Variants in DMD observed in about 807,000 individuals in gnomAD.
DMD encodes mutant dystrophin.
A neutral mutation model predicts 330.1 loss-of-function variants in DMD; 63 were observed. The observed-to-expected ratio is 0.19, with a 90% CI of 0.16 to 0.24. DMD has a LOEUF of 0.24. Ranked by LOEUF, DMD falls within the 10% of genes least tolerant of loss-of-function variation. DMD has a pLI of 1.00. For missense variants in DMD, 3,344 were observed against 2,684.1 expected (o/e 1.25, Z -5.43); for synonymous variants, 1,223 against 959.8 (o/e 1.27, Z -5.07).
chrX:33,283,557 C>A (rs991492239), intron 1 of DMD, among the ~76,000 whole-genome samples: 2 of 107,965 alleles, frequency 1.9e-5, no homozygotes, highest in Non-Finnish European at 3.8e-5. Context: ...TCAACTATAC[C>A]AAGTGATGAG....
At chrX:31,666,786 T>C (rs73455985) in intron 53 of DMD, among the ~76,000 whole-genome samples, 2,526 of 111,713 alleles carry the variant, frequency 0.023, 74 homozygotes, top group African/African-American at 0.078. Context: ...TAGCTCCCTA[T>C]CCATTGTGTG....
intron 2 of DMD, among the ~76,000 whole-genome samples, chrX:32,929,505 TCAA>T (rs1232905403): frequency 1.8e-5 from 2 of 111,105 alleles, no homozygotes; most frequent in Non-Finnish European, 3.8e-5. Context: ...TGTGCCATGT[TCAA>T]CTAATTGGCC....
At chrX:32,345,686 T>G (rs1205061549) in intron 39 of DMD, among the ~76,000 whole-genome samples, 1 of 110,454 alleles carries the variant, frequency 9.1e-6, no homozygotes, top group Admixed American at 9.7e-5. Context: ...ATTAAATGTA[T>G]AAGTACTATG....
intron 1 of DMD, among the ~76,000 whole-genome samples, chrX:33,331,056 G>C (rs2054166144): frequency 8.9e-6 from 1 of 112,291 alleles, no homozygotes; most frequent in Non-Finnish European, 1.9e-5. Flanking sequence ...TCTTGCTCTA[G>C]CACAGAGCCT....
At chrX:32,774,671 C>T (rs988986755) in intron 7 of DMD, among the ~76,000 whole-genome samples, 1 of 110,672 alleles carries the variant, frequency 9.0e-6, no homozygotes, top group Admixed American at 9.6e-5. Context: ...AACCACCCAT[C>T]CCCCATCCCC....
chrX:32,868,392 G>C (rs752455657), intron 2 of DMD, among the ~76,000 whole-genome samples: 3 of 111,225 alleles, frequency 2.7e-5, no homozygotes, highest in Admixed American at 1.9e-4. Context: ...AAATGACTGA[G>C]CTCTCCCGGG....
intron 2 of DMD, among the ~76,000 whole-genome samples, chrX:32,958,910 T>C (rs1222894849): frequency 9.1e-6 from 1 of 110,490 alleles, no homozygotes; most frequent in Non-Finnish European, 1.9e-5. Context: ...ATATCATAAA[T>C]GCAGCTTTAA....
At chrX:32,919,566 C>T (rs1239459261) in intron 2 of DMD, among the ~76,000 whole-genome samples, 5 of 111,114 alleles carry the variant, frequency 4.5e-5, no homozygotes, top group African/African-American at 6.5e-5. Context: ...AATTCAGTCC[C>T]GATTTGTTAT....
At chrX:32,506,725 G>C (rs1483984023) in intron 18 of DMD, among the ~76,000 whole-genome samples, 1 of 111,415 alleles carries the variant, frequency 9.0e-6, no homozygotes, top group Non-Finnish European at 1.9e-5. Flanking sequence ...CACCCAGTTT[G>C]TGGTATTTTG....
Position 32,686,054 on chromosome X carries a change from G to A in DMD, c.960+11816C>T, listed in dbSNP as rs549805562. ...TTGCTAGTAGATTTGAGACCCACATGGATTTAACACATGTATGACATAATA... is the reference window on the plus strand; with the variant it reads ...TTGCTAGTAGATTTGAGACCCACATAGATTTAACACATGTATGACATAATA... On this transcript the variant is annotated intron_variant, in intron 9 of 78. Transcript: ENST00000357033. Among the ~76,000 whole-genome samples the A allele has an allele frequency of 1.1e-4, 12 of 111,481 alleles. No homozygotes were observed. In the South Asian group the frequency reaches 4.5e-3, roughly 42 times the overall value.
chrX:32,355,283 AG>A, intron 37 of DMD, among the ~76,000 whole-genome samples: 1 of 111,315 alleles, frequency 9.0e-6, no homozygotes, highest in East Asian at 2.8e-4. Flanking sequence ...AAGTGGACAA[AG>A]CAATGGACTG....
At chrX:32,827,532 G>A (rs946755700) in intron 4 of DMD, among the ~76,000 whole-genome samples, 1 of 111,144 alleles carries the variant, frequency 9.0e-6, no homozygotes, top group East Asian at 2.8e-4. Flanking sequence ...TCATCGCCCA[G>A]GTAATAAGTA....
At chrX:32,209,760 G>A (rs2097086396) in intron 44 of DMD, among the ~76,000 whole-genome samples, 1 of 111,379 alleles carries the variant, frequency 9.0e-6, no homozygotes, top group African/African-American at 3.3e-5. Context: ...GTTCTTTACC[G>A]TGGTTACTAC....
intron 2 of DMD, among the ~76,000 whole-genome samples, chrX:33,008,638 C>A (rs906928946): frequency 9.2e-6 from 1 of 108,792 alleles, no homozygotes; most frequent in Non-Finnish European, 1.9e-5. Context: ...AATGCCACAA[C>A]GAACTGTTTT....
In DMD at chrX:32,491,337, T is replaced by G; in HGVS notation, c.2562A>C (p.Lys854Asn). The G allele has an allele frequency of 8.3e-7, 1 of 1,210,968 alleles. No homozygotes were observed. Among genetic ancestry groups the G allele is most frequent in the Non-Finnish European group, 1.1e-6 (1 of 894,934 alleles). The change falls in exon 20 of 79, where the codon AAA becomes AAC. Residue 854 changes from lysine (K) to asparagine (N), a missense_variant. Coordinates refer to ENST00000357033, the MANE Select transcript of DMD (RefSeq NM_004006.3). ...GCTCTGATGGGGTGGTGGGTTGGAT[T>G]TTCAACCAGTTTTCAGCAGTAGTTG... Reference protein sequence around the residue: ...QMTTTAENWLKIQPTTPSEPT... With the variant: ...QMTTTAENWLNIQPTTPSEPT...
At chrX:31,724,855 G>A (rs1048141997) in intron 52 of DMD, among the ~76,000 whole-genome samples, 6 of 112,128 alleles carry the variant, frequency 5.4e-5, no homozygotes. Flanking sequence ...GTTTAGGAAA[G>A]AGAATTAACT....
chrX:32,514,235 GAAAAAAAAAA>G (rs35838995), intron 18 of DMD, among the ~76,000 whole-genome samples: 288 of 77,257 alleles, frequency 3.7e-3, no homozygotes, highest in Non-Finnish European at 4.3e-3. Context: ...AAGGCAGGTG[GAAAAAAAAAA>G]AAAAAAAAGA....
intron 44 of DMD, among the ~76,000 whole-genome samples, chrX:32,199,240 GAGGCACCAT>G (rs1349545229): frequency 9.0e-6 from 1 of 111,562 alleles, no homozygotes; most frequent in Non-Finnish European, 1.9e-5. Context: ...GCTTTCTCCT[GAGGCACCAT>G]CAAGACAGAT....
In DMD at chrX:32,894,451, G is replaced by A. The variant is rs183362393; in HGVS notation, c.94-44631C>T. On this transcript the variant is annotated intron_variant, in intron 2 of 78. Transcript: ENST00000357033. ...CTCGCAGCACAGTGGTAGTGATGGC[G>A]GCGGTGGGATGAGCGGGCAAACCAA... Among the ~76,000 whole-genome samples, 315 of 112,769 alleles carry A rather than the reference G, an allele frequency of 2.8e-3. 3 individuals are homozygous for A. Among genetic ancestry groups the A allele is most frequent in the African/African-American group, 9.8e-3 (304 of 31,086 alleles).
Sources: allele counts gnomAD v4.1 joint callset (sites outside exome capture counted in the v4.1 genomes callset), GRCh38; gene constraint gnomAD v4.1.1; transcripts MANE v1.5; gene names NCBI Gene and HGNC (gene_info 2026-07-23, HGNC 2026-07-21).